COL15A1: variants seen among roughly 807,000 people sequenced by gnomAD.
COL15A1 encodes collagen type XV alpha 1 chain.
In COL15A1, 111 loss-of-function variants were observed where a neutral mutation model predicts 165.9. That is an observed-to-expected ratio of 0.67 (90% CI 0.57 to 0.78). The LOEUF is 0.78. Ranked by LOEUF, COL15A1 falls within the 30% of genes least tolerant of loss-of-function variation. The probability of loss-of-function intolerance (pLI) is 0.00; values close to 1 mark genes in which losing one functional copy is unlikely to be tolerated. For synonymous variants in COL15A1, 659 were observed against 674.8 expected, an observed-to-expected ratio of 0.98 and a Z score of 0.36; for missense variants, 1,745 against 1,789.7, an observed-to-expected ratio of 0.98 and a Z score of 0.45.
intron 4 of COL15A1, among the ~76,000 whole-genome samples, chr9:98,987,937 G>T (rs1439827610): frequency 3.4e-5 from 5 of 146,636 alleles, no homozygotes; most frequent in Non-Finnish European, 7.4e-5. Context: ...AGCTGAGTGT[G>T]ATGGGAAAAG....
At chr9:98,951,033 C>G (rs928203425) in intron 2 of COL15A1, among the ~76,000 whole-genome samples, 8 of 152,198 alleles carry the variant, frequency 5.3e-5, no homozygotes, top group South Asian at 2.1e-4. Context: ...TTCCCTCTAA[C>G]CACCCCACTC....
chr9:99,043,271 G>C (rs1350959994), intron 24 of COL15A1, among the ~76,000 whole-genome samples: 1 of 152,118 alleles, frequency 6.6e-6, no homozygotes, highest in Non-Finnish European at 1.5e-5. Context: ...GGCATCACGT[G>C]GGGATGTGTC....
At chr9:98,979,828 CCTCT>C (rs1411038892) in intron 2 of COL15A1, among the ~76,000 whole-genome samples, 3 of 152,122 alleles carry the variant, frequency 2.0e-5, no homozygotes, top group Admixed American at 6.6e-5. Context: ...GCAAACACTT[CCTCT>C]CTATTAACCT....
In COL15A1 at chr9:99,042,119, C is replaced by T. The variant is rs1490645095; in HGVS notation, c.2574+12C>T. 3.7e-6 allele frequency: 6 copies of T among 1,601,554 alleles called. No homozygotes were observed. In the African/African-American group the frequency reaches 8.1e-5, roughly 21 times the overall value. On this transcript the variant is annotated intron_variant, in intron 24 of 41. Transcript: ENST00000375001. ...TAAAAGGAGAACAGGTAAGAGGGGC[C>T]CAGGTATCTGAGTGAGATTGGGCGC...
At chr9:98,968,764 T>C (rs1251659287) in intron 2 of COL15A1, among the ~76,000 whole-genome samples, 1 of 152,082 alleles carries the variant, frequency 6.6e-6, no homozygotes, top group African/African-American at 2.4e-5. Context: ...TTCCTTCAGC[T>C]CCTGCAGTTG....
intron 11 of COL15A1, among the ~76,000 whole-genome samples, chr9:99,017,065 G>C (rs1371399577): frequency 6.6e-6 from 1 of 152,222 alleles, no homozygotes; most frequent in Non-Finnish European, 1.5e-5. Context: ...TGGACACATA[G>C]CGGCTCTGGG....
chr9:98,963,647 T>A (rs1230639001), intron 2 of COL15A1, among the ~76,000 whole-genome samples: 1 of 152,202 alleles, frequency 6.6e-6, no homozygotes, highest in African/African-American at 2.4e-5. Context: ...GGTTCAACAC[T>A]TTTTTTAATT....
intron 16 of COL15A1, among the ~76,000 whole-genome samples, chr9:99,030,356 T>C (rs961430643): frequency 1.3e-5 from 2 of 152,192 alleles, no homozygotes; most frequent in Admixed American, 6.5e-5. Flanking sequence ...TAAGAAATAA[T>C]GTACAACTCC....
chr9:99,054,989 C>A, intron 32 of COL15A1, 113 bp from the exon 33 acceptor site: 1 of 929,214 alleles, frequency 1.1e-6, no homozygotes, highest in Non-Finnish European at 1.8e-6. Flanking sequence ...TGTTAGCCAA[C>A]CCAGTGCAGG....
In COL15A1 at chr9:99,005,323, A is replaced by G. The variant is rs575010625; in HGVS notation, c.1353+273A>G. 6.6e-5 allele frequency among the ~76,000 whole-genome samples: 10 copies of G among 152,162 alleles called. No individual in the cohort carries two copies. The East Asian group carries it at 1.9e-3, about 29-fold the overall frequency. On this transcript the variant is annotated intron_variant, in intron 9 of 41. Transcript: ENST00000375001. The stretch of plus-strand genomic sequence containing the variant: ...GCAGGACCCTGCTGCCTCCACCCAC[A>G]GGGGGTGGGAGCCAGAATGGAGGAG...
In COL15A1 at chr9:99,000,838, G is replaced by A; in HGVS notation, c.953-1G>A. On this transcript the variant is annotated splice_acceptor_variant, in intron 6 of 41. Coordinates refer to ENST00000375001, the MANE Select transcript of COL15A1 (RefSeq NM_001855.5). LOFTEE classifies it high-confidence loss of function. ...GATAGCAGAATGCCTGCTTCCTGTA[G>A]GGTCTGGTGAGATCCTGAATGACAC... is the stretch of plus-strand genomic sequence containing the variant. 1.4e-6 allele frequency: 2 copies of A among 1,469,420 alleles called. No individual in the cohort carries two copies. Among genetic ancestry groups the A allele is most frequent in the Non-Finnish European group, 1.9e-6 (2 of 1,050,952 alleles). The allele number at this position is 1,469,420 out of a possible 1,614,324, so 91.0% of individuals were successfully genotyped here. A position where few individuals can be genotyped will look rare whatever the true frequency, so the allele number is the denominator to read the frequency against.
At chr9:98,961,767 A>G (rs1001619641) in intron 2 of COL15A1, among the ~76,000 whole-genome samples, 11 of 152,202 alleles carry the variant, frequency 7.2e-5, no homozygotes, top group Non-Finnish European at 1.5e-4. Context: ...GGATTCTACT[A>G]CCTGCCTTGC....
intron 40 of COL15A1, 86 bp from the exon 41 acceptor site, chr9:99,068,467 CAA>C (rs34451429): frequency 0.056 from 14,829 of 267,092 alleles, 7 homozygotes; most frequent in South Asian, 0.086. Context: ...GAAACTGTGT[CAA>C]AAAAAAAAAA....
chr9:98,962,537 CAT>C (rs922839764), intron 2 of COL15A1, among the ~76,000 whole-genome samples: 6 of 152,192 alleles, frequency 3.9e-5, no homozygotes, highest in Non-Finnish European at 8.8e-5. Context: ...AACACACACA[CAT>C]GTTTGGAGTG....
Position 98,989,031 on chromosome 9 carries a change from C to CAT in COL15A1, c.724-146_724-145insTA, listed in dbSNP as rs1838369695. ...CCACTCCGTCTCTCATAGACACACA[C>CAT]ACACACACACACACACACACACACA... On this transcript the variant is annotated intron_variant, in intron 4 of 41. Transcript: ENST00000375001. The CAT allele has an allele frequency of 1.4e-5, 8 of 573,214 alleles. No individual in the cohort carries two copies. The East Asian group carries it at 2.0e-4, about 14-fold the overall frequency. The allele number at this position is 573,214 out of a possible 1,614,324, so 35.5% of individuals were successfully genotyped here.
chr9:99,063,432 G>C (rs1825848783), intron 39 of COL15A1, among the ~76,000 whole-genome samples: 2 of 152,142 alleles, frequency 1.3e-5, no homozygotes, highest in Admixed American at 1.3e-4. Context: ...TAAGGGGAAG[G>C]GCTGTGCATT....
At chr9:99,004,859 A>T in intron 8 of COL15A1, 39 bp from the exon 9 acceptor site, 1 of 1,613,330 alleles carries the variant, frequency 6.2e-7, no homozygotes, top group Non-Finnish European at 8.5e-7. Flanking sequence ...GATCAGCATC[A>T]TGGGGCACTG....
In COL15A1 at chr9:99,024,950, C is replaced by A. The variant is rs1292767473; in HGVS notation, c.1931C>A (p.Pro644His). Reference sequence around the variant, plus strand: ...CCAGGAACTGATGTTTTCATGGGACCCCCTGGATCTCCTGGAGAGGATGGA... The same window carrying A: ...CCAGGAACTGATGTTTTCATGGGACACCCTGGATCTCCTGGAGAGGATGGA... ...GKPGTDVFMG[P>H]PGSPGEDGPA... Residue 644 changes from proline (P) to histidine (H), a missense_variant, in exon 15 of 42, where the codon CCC (proline) becomes CAC (histidine). Coordinates refer to ENST00000375001, the MANE Select transcript of COL15A1 (RefSeq NM_001855.5). 4 of 1,613,820 alleles carry A rather than the reference C, an allele frequency of 2.5e-6. No individual in the cohort carries two copies. Among genetic ancestry groups the A allele is most frequent in the Admixed American group, 3.3e-5 (2 of 59,994 alleles).
chr9:98,970,143 T>C (rs1838022864), intron 2 of COL15A1, among the ~76,000 whole-genome samples: 2 of 151,604 alleles, frequency 1.3e-5, no homozygotes, highest in South Asian at 4.1e-4. Context: ...CAGGACATAG[T>C]AAGGGCTCCG....
Sources: gnomAD v4.1 joint callset for allele counts (sites outside exome capture counted in the v4.1 genomes callset) on GRCh38, gnomAD v4.1.1 for gene constraint, MANE v1.5 for transcripts, NCBI Gene and HGNC (gene_info 2026-07-23, HGNC 2026-07-21) for gene names.